Variants in SLC10A2 observed in about 807,000 individuals in gnomAD.
SLC10A2 encodes ileal sodium/bile acid cotransporter.
A neutral mutation model predicts 27.1 loss-of-function variants in SLC10A2; 34 were observed. The ratio of observed to expected loss-of-function variants is 1.26; its 90% confidence interval spans 0.96 to 1.67. SLC10A2 has a LOEUF of 1.67. Ranked by LOEUF, SLC10A2 falls within the 40% of genes most tolerant of loss-of-function variation. The pLI, the probability that SLC10A2 is intolerant of heterozygous loss-of-function variation, is 0.00. For synonymous variants in SLC10A2, 205 were observed against 174.0 expected (o/e 1.18, Z -1.40); for missense variants, 530 against 444.4 (o/e 1.19, Z -1.73).
At chr13:103,058,479 TA>T in intron 1 of SLC10A2, 97 bp from the exon 2 acceptor site, 1 of 778,344 alleles carries the variant, frequency 1.3e-6, no homozygotes, top group Non-Finnish European at 2.2e-6. Flanking sequence ...ATTTTAAGTT[TA>T]GGGGTATATG....
rs201341384 is a variant in SLC10A2, at chr13:103,058,371, G to A, written c.389C>T (p.Thr130Ile). The A allele has an allele frequency of 6.2e-5, 99 of 1,607,458 alleles. No individual in the cohort carries two copies. The Middle Eastern group carries it at 1.5e-3, about 24-fold the overall frequency. ...GAGGGCAAGCAGTGTGGAGCATGTG[G>A]TCATGCTGACGCTGAAAGGCAATGG... ...DGDMDLSVSM[T>I]TCSTLLALGM... The change falls in exon 2 of 6, where the codon ACC becomes ATC. Residue 130 changes from threonine (T) to isoleucine (I), a missense_variant. Physicochemically the swap from Thr to Ile is moderately conservative, Grantham distance 89. Coordinates refer to ENST00000245312, the MANE Select transcript of SLC10A2 (RefSeq NM_000452.3).
chr13:103,065,228 T>C (rs575331563), intron 1 of SLC10A2, among the ~76,000 whole-genome samples: 74 of 152,346 alleles, frequency 4.9e-4, no homozygotes, highest in African/African-American at 1.8e-3. Flanking sequence ...AACATTGCAA[T>C]TTAGATTACT....
At chr13:103,063,621 A>G (rs190466860) in intron 1 of SLC10A2, among the ~76,000 whole-genome samples, 5 of 152,380 alleles carry the variant, frequency 3.3e-5, no homozygotes, top group Admixed American at 1.3e-4. Context: ...ATTAATTTGT[A>G]TTAAAGAAAT....
intron 1 of SLC10A2, among the ~76,000 whole-genome samples, chr13:103,065,047 G>A (rs1241699875): frequency 1.3e-5 from 2 of 152,202 alleles, no homozygotes; most frequent in Non-Finnish European, 2.9e-5. Flanking sequence ...TTTGCAGAAG[G>A]AAATGCATAC....
In SLC10A2 at chr13:103,051,352, A is replaced by G; in HGVS notation, c.666T>C (p.Ile222=). The G allele has an allele frequency of 6.2e-7, 1 of 1,614,118 alleles. No homozygotes were observed. The highest frequency in any genetic ancestry group is 8.5e-7 in the Non-Finnish European group (1 of 1,179,990). Reference sequence around the variant, plus strand: ...TTCCTATAATCCACAGTTTGGGAGCAATGATCCAGGCGCTTTGGTACAATA... The same window carrying G: ...TTCCTATAATCCACAGTTTGGGAGCGATGATCCAGGCGCTTTGGTACAATA... ...GGILYQSAWI[I]APKLWIIGTI... is the part of the protein sequence containing the mutation. The change falls in exon 4 of 6, where the codon ATT becomes ATC. Residue 222 remains isoleucine, a synonymous_variant. Coordinates refer to ENST00000245312, the MANE Select transcript of SLC10A2 (RefSeq NM_000452.3).
At chr13:103,060,381 A>ATT (rs33930404) in intron 1 of SLC10A2, among the ~76,000 whole-genome samples, 6,899 of 131,340 alleles carry the variant, frequency 0.053, 237 homozygotes, top group African/African-American at 0.085. Flanking sequence ...TGCTACTACC[A>ATT]TTTTTTTTTT....
intron 5 of SLC10A2, among the ~76,000 whole-genome samples, chr13:103,046,991 T>G (rs182980596): frequency 1.3e-5 from 2 of 152,346 alleles, no homozygotes; most frequent in Non-Finnish European, 2.9e-5. Flanking sequence ...ATAGTTAAAG[T>G]GCTATTCTGT....
chr13:103,059,285 GC>G (rs1876031709), intron 1 of SLC10A2, among the ~76,000 whole-genome samples: 1 of 152,040 alleles, frequency 6.6e-6, no homozygotes, highest in South Asian at 2.1e-4. Flanking sequence ...CATGTCATTT[GC>G]CCACTTTTTA....
chr13:103,061,679 G>A (rs1339766606), intron 1 of SLC10A2, among the ~76,000 whole-genome samples: 1 of 152,086 alleles, frequency 6.6e-6, no homozygotes, highest in Non-Finnish European at 1.5e-5. Flanking sequence ...CGTGATGAGG[G>A]ACAAAAGAGG....
chr13:103,063,831 C>A (rs569733977), intron 1 of SLC10A2, among the ~76,000 whole-genome samples: 1 of 152,092 alleles, frequency 6.6e-6, no homozygotes, highest in African/African-American at 2.4e-5. Context: ...CTACAGAAAC[C>A]AGAGAGAATA....
chr13:103,064,870 A>T (rs1876228926), intron 1 of SLC10A2, among the ~76,000 whole-genome samples: 1 of 152,202 alleles, frequency 6.6e-6, no homozygotes. Flanking sequence ...CACCAGTTGA[A>T]ATGAGACAGC....
rs1263751067 is a variant in SLC10A2 at position 103,066,322 on chromosome 13, G to T, written c.-73C>A. 6.7e-6 allele frequency: 10 copies of T among 1,501,860 alleles called. No homozygotes were observed. Among genetic ancestry groups the T allele is most frequent in the Non-Finnish European group, 8.0e-6 (9 of 1,126,536 alleles). 93.0% of individuals were successfully genotyped at this position (1,501,860 alleles called of 1,614,324 possible). A position where few individuals can be genotyped will look rare whatever the true frequency, so the allele number is the denominator to read the frequency against. On this transcript the variant is annotated 5_prime_UTR_variant, in exon 1 of 6. Transcript: ENST00000245312. ...CTGGGCCCTGGCTCTGCTGCTGGTT[G>T]AGTTAAGCAACGTTTACTTCTACCC...
chr13:103,051,187 C>A (rs995984907), intron 4 of SLC10A2, 70 bp downstream of exon 4: 3 of 1,498,736 alleles, frequency 2.0e-6, no homozygotes, highest in African/African-American at 2.7e-5. Context: ...TGTCTTATGG[C>A]ACCTCTAGCA....
intron 1 of SLC10A2, among the ~76,000 whole-genome samples, chr13:103,058,915 A>G (rs1367410266): frequency 6.6e-6 from 1 of 152,174 alleles, no homozygotes; most frequent in Non-Finnish European, 1.5e-5. Flanking sequence ...GCTGCGGTGG[A>G]CATATGTGTG....
chr13:103,061,638 T>C (rs1464773397), intron 1 of SLC10A2, among the ~76,000 whole-genome samples: 1 of 152,178 alleles, frequency 6.6e-6, no homozygotes, highest in African/African-American at 2.4e-5. Context: ...TATCATAATT[T>C]TGAGTTTGGT....
rs201633683 is a variant in SLC10A2 at position 103,058,301 on chromosome 13, G to A, written c.459C>T (p.Val153=). The A allele has an allele frequency of 3.5e-5, 56 of 1,612,174 alleles. No individual in the cohort carries two copies. Among genetic ancestry groups the A allele is most frequent in the Non-Finnish European group, 4.2e-5 (49 of 1,178,442 alleles). ...LCLLIYTKMW[V]DSGSIVIPYD... ...AGGGAATTACGATGCTCCCAGAGTC[G>A]ACCCACATTTTGGTATAGATAAGGA... is the stretch of plus-strand genomic sequence containing the variant. Residue 153 remains valine (V), a synonymous_variant, in exon 2 of 6, where the codon GTC becomes GTT. Transcript: ENST00000245312.
intron 4 of SLC10A2, 98 bp from the exon 5 acceptor site, chr13:103,049,544 C>T (rs2138912430): frequency 8.1e-7 from 1 of 1,231,814 alleles, no homozygotes; most frequent in East Asian, 2.6e-5. Flanking sequence ...TGCATTATGT[C>T]TCTGCTTTTA....
intron 5 of SLC10A2, among the ~76,000 whole-genome samples, chr13:103,046,921 G>A (rs1049550201): frequency 1.3e-5 from 2 of 152,114 alleles, no homozygotes; most frequent in Non-Finnish European, 2.9e-5. Flanking sequence ...AGGAAAGGGT[G>A]GTTTCAACAA....
chr13:103,060,278 A>T (rs1385525415), intron 1 of SLC10A2, among the ~76,000 whole-genome samples: 3 of 152,000 alleles, frequency 2.0e-5, no homozygotes, highest in Non-Finnish European at 4.4e-5. Flanking sequence ...ACTTCTCTTT[A>T]CCAGTTTCCT....
Sources: allele counts gnomAD v4.1 joint callset (sites outside exome capture counted in the v4.1 genomes callset), GRCh38; gene constraint gnomAD v4.1.1; transcripts MANE v1.5; gene names NCBI Gene and HGNC (gene_info 2026-07-23, HGNC 2026-07-21).